The following TEX9 variants were observed in gnomAD, a reference collection of about 807,000 sequenced individuals.
TEX9 encodes testis expressed 9.
TEX9 carries 74 observed loss-of-function variants against 59.6 expected under a neutral mutation model. That is an observed-to-expected ratio of 1.24 (90% CI 1.03 to 1.51). The LOEUF (loss-of-function observed/expected upper bound fraction) is 1.51. Ranked by LOEUF, TEX9 falls within the 40% of genes most tolerant of loss-of-function variation. The pLI is 0.00. For missense variants in TEX9, 522 were observed against 447.8 expected (o/e 1.17, Z -1.49); for synonymous variants, 186 against 152.2 (o/e 1.22, Z -1.64).
chr15:56,293,182 A>C (rs546467170), intron 1 of TEX9, among the ~76,000 whole-genome samples: 16 of 152,144 alleles, frequency 1.1e-4, no homozygotes, highest in African/African-American at 3.9e-4. Context: ...AATATGAAAA[A>C]AAAAATGAGC....
chr15:56,315,007 A>G (rs1332593084), intron 1 of TEX9, among the ~76,000 whole-genome samples: 1 of 150,850 alleles, frequency 6.6e-6, no homozygotes, highest in African/African-American at 2.4e-5. Context: ...TGCTTGGTAG[A>G]TCTTCCTCCA....
intron 1 of TEX9, among the ~76,000 whole-genome samples, chr15:56,256,897 G>A (rs1439392099): frequency 6.6e-6 from 1 of 151,910 alleles, no homozygotes; most frequent in Admixed American, 6.6e-5. Context: ...ATGAAGCCTA[G>A]TAGTTCATTA....
At chr15:56,314,835 A>T (rs12443378) in intron 1 of TEX9, among the ~76,000 whole-genome samples, 5,439 of 149,904 alleles carry the variant, frequency 0.036, 162 homozygotes, top group Admixed American at 0.072. Flanking sequence ...TGGGTGCTCC[A>T]GTGTTGGGTG....
intron 1 of TEX9, among the ~76,000 whole-genome samples, chr15:56,299,714 G>A (rs2045296746): frequency 6.6e-6 from 1 of 152,136 alleles, no homozygotes; most frequent in Non-Finnish European, 1.5e-5. Flanking sequence ...GTACAATGGG[G>A]TACTGGGTAG....
At chr15:56,257,598 A>G (rs568519083) in intron 1 of TEX9, among the ~76,000 whole-genome samples, 4 of 152,024 alleles carry the variant, frequency 2.6e-5, no homozygotes, top group African/African-American at 4.8e-5. Context: ...TCTTTTGAGA[A>G]GTGTCTGTTT....
chr15:56,428,447 G>T (rs2050434433), exon 12 of TEX9: 1 of 1,604,614 alleles, frequency 6.2e-7, no homozygotes. Flanking sequence ...ATTCATAAGT[G>T]ATCTACTTCA....
exon 12 of TEX9, chr15:56,428,414 T>C: frequency 2.5e-6 from 4 of 1,612,360 alleles, no homozygotes; most frequent in Non-Finnish European, 3.4e-6. Flanking sequence ...AGGAGGAATT[T>C]ATGAAAGCAC....
Position 56,354,570 on chromosome 15 carries a change from A to G in TEX9, c.-106-18871A>G, listed in dbSNP as rs931417765. 9.8e-5 allele frequency among the ~76,000 whole-genome samples: 15 copies of G among 152,356 alleles called. No individual in the cohort carries two copies. In the Middle Eastern group the frequency reaches 0.014, roughly 138 times the overall value. On this transcript the variant is annotated intron_variant, in intron 1 of 5. Coordinates refer to the TEX9 transcript ENST00000560827. Reference sequence around the variant, plus strand: ...AAGAGATTATTACATAATAATAACAAAGTTTATTTCACAAGTATTTAAACC... The same window carrying G: ...AAGAGATTATTACATAATAATAACAGAGTTTATTTCACAAGTATTTAAACC...
intron 1 of TEX9, among the ~76,000 whole-genome samples, chr15:56,272,946 TG>T (rs199503447): frequency 0.11 from 15,880 of 149,444 alleles, 1,454 homozygotes; most frequent in East Asian, 0.38. Flanking sequence ...TTATTTTTTT[TG>T]TTGTTGTTGT....
rs1322046688 is a variant in TEX9 at position 56,428,418 on chromosome 15, A to AAAGCACTT, written c.1151_1158dup (p.Glu387LysfsTer10). 14 of 1,612,186 alleles carry AAAGCACTT rather than the reference A, an allele frequency of 8.7e-6. No individual in the cohort carries two copies. The highest frequency in any genetic ancestry group is 1.2e-5 in the Non-Finnish European group (14 of 1,178,800). ...ATCTTTCACTGAGGAGGAATTTATGAAAGCACTTGAATGGGGAAATTCATA... is the reference window on the plus strand; with the variant it reads ...ATCTTTCACTGAGGAGGAATTTATGAAAGCACTTAAGCACTTGAATGGGGAAATTCATA... On this transcript the variant is annotated frameshift_variant, in exon 12 of 13. Transcript: ENST00000352903. LOFTEE classifies it high-confidence loss of function.
At chr15:56,281,250 G>A (rs1397029383) in intron 1 of TEX9, among the ~76,000 whole-genome samples, 2 of 152,216 alleles carry the variant, frequency 1.3e-5, no homozygotes, top group Non-Finnish European at 2.9e-5. Flanking sequence ...TTCCTTCAAA[G>A]ATACTGGTTA....
At chr15:56,441,677 A>G (rs1325838455) in intron 12 of TEX9, among the ~76,000 whole-genome samples, 4 of 152,198 alleles carry the variant, frequency 2.6e-5, no homozygotes, top group Non-Finnish European at 5.9e-5. Flanking sequence ...AAGGTCTAAT[A>G]TCCATAATAT....
chr15:56,353,631 A>T (rs1483140457), intron 1 of TEX9, among the ~76,000 whole-genome samples: 1 of 152,236 alleles, frequency 6.6e-6, no homozygotes, highest in East Asian at 1.9e-4. Context: ...ATCTAACAAA[A>T]AGTGAAAACA....
intron 1 of TEX9, among the ~76,000 whole-genome samples, chr15:56,300,708 G>GGGAGAGAGGGAGAGA (rs1160272154): frequency 3.9e-5 from 4 of 102,668 alleles, no homozygotes; most frequent in African/African-American, 1.6e-4. Context: ...AGAGAGAGAG[G>GGGAGAGAGGGAGAGA]GAGAGAGAGA....
At chr15:56,425,744 C>CCTTTAATATGGTCCATGTTTCCCTGTTT (rs2050206783) in intron 10 of TEX9, among the ~76,000 whole-genome samples, 2 of 151,958 alleles carry the variant, frequency 1.3e-5, no homozygotes, top group Non-Finnish European at 2.9e-5. Flanking sequence ...TAATTTTGTT[C>CCTTTAATATGGTCCATGTTTCCCTGTTT]CTTTAATATG....
intron 1 of TEX9, among the ~76,000 whole-genome samples, chr15:56,294,850 A>G (rs2045180952): frequency 6.6e-6 from 1 of 152,182 alleles, no homozygotes; most frequent in Non-Finnish European, 1.5e-5. Context: ...TAGTATATCT[A>G]TATACCAATT....
At position 56,313,674 on chromosome 15, in the gene TEX9, A is replaced by T. The variant is rs1213721545; in HGVS notation, c.-106-59767A>T. 8.1e-3 allele frequency among the ~76,000 whole-genome samples: 1,134 copies of T among 139,788 alleles called. 17 individuals are homozygous for T. Among genetic ancestry groups the T allele is most frequent in the African/African-American group, 0.028 (1,070 of 38,568 alleles). 91.7% of individuals were successfully genotyped at this position (139,788 alleles called of 152,430 possible). A position where few individuals can be genotyped will look rare whatever the true frequency, so the allele number is the denominator to read the frequency against. On this transcript the variant is annotated intron_variant, in intron 1 of 5. Coordinates refer to the TEX9 transcript ENST00000560827. Reference sequence around the variant, plus strand: ...TGATGCTGGCCTCATAAAATGAGTTAGGGAGGATTCCCTCTTTTTCTATTG... The same window carrying T: ...TGATGCTGGCCTCATAAAATGAGTTTGGGAGGATTCCCTCTTTTTCTATTG...
the TEX9 span, among the ~76,000 whole-genome samples, chr15:56,457,476 G>C: frequency 6.6e-6 from 1 of 152,178 alleles, no homozygotes; most frequent in Admixed American, 6.5e-5. Context: ...ATTGCTGTGT[G>C]GGAATGTAAA....
chr15:56,439,219 G>A (rs1387504208), intron 12 of TEX9, among the ~76,000 whole-genome samples: 4 of 152,052 alleles, frequency 2.6e-5, no homozygotes, highest in East Asian at 3.9e-4. Context: ...AACAAAACAC[G>A]TACAGGATTT....
Sources: gnomAD v4.1 joint callset for allele counts (sites outside exome capture counted in the v4.1 genomes callset) on GRCh38, gnomAD v4.1.1 for gene constraint, MANE v1.5 for transcripts, NCBI Gene and HGNC (gene_info 2026-07-23, HGNC 2026-07-21) for gene names.